Variants in DDAH1 observed in about 807,000 individuals in gnomAD.
DDAH1 encodes dimethylarginine dimethylaminohydrolase 1, also known as N(G),N(G)-dimethylarginine dimethylaminohydrolase 1.
DDAH1 carries 19 observed loss-of-function variants against 28.8 expected under a neutral mutation model. That is an observed-to-expected ratio of 0.66 (90% CI 0.46 to 0.97). The LOEUF (loss-of-function observed/expected upper bound fraction) is 0.97, where lower values mean the gene tolerates loss of function less well. DDAH1 is among the 50% of genes least tolerant of loss of function. The pLI is 0.00. For missense variants in DDAH1, 326 were observed against 375.9 expected (o/e 0.87, Z 1.10); for synonymous variants, 153 against 154.4 (o/e 0.99, Z 0.07).
chr1:85,545,166 A>G (rs893614704), intron 1 of DDAH1, among the ~76,000 whole-genome samples: 3 of 152,092 alleles, frequency 2.0e-5, no homozygotes, highest in Non-Finnish European at 4.4e-5. Flanking sequence ...CCAGGACGTG[A>G]CTCCCAACAG....
chr1:85,513,722 C>G (rs11802934), intron 1 of DDAH1, among the ~76,000 whole-genome samples: 2,652 of 152,284 alleles, frequency 0.017, 33 homozygotes, highest in South Asian at 0.044. Flanking sequence ...CAAAAGAAGA[C>G]ATTTATGCAG....
upstream of DDAH1, among the ~76,000 whole-genome samples, chr1:85,466,842 T>TTTTTTTTTTTTTTTTTTTTC (rs1655402896): frequency 7.7e-6 from 1 of 129,484 alleles, no homozygotes; most frequent in Non-Finnish European, 1.7e-5. Context: ...CTTTTTTTTT[T>TTTTTTTTTTTTTTTTTTTTC]TTTTTTTTTT....
At chr1:85,325,148 T>C (rs1268338072) in intron 4 of DDAH1, among the ~76,000 whole-genome samples, 1 of 152,254 alleles carries the variant, frequency 6.6e-6, no homozygotes, top group Non-Finnish European at 1.5e-5. Context: ...TAAAACCGTC[T>C]ATTATTTTTC....
intron 1 of DDAH1, among the ~76,000 whole-genome samples, chr1:85,520,553 TTAA>T (rs1311200073): frequency 3.3e-5 from 5 of 152,200 alleles, no homozygotes; most frequent in Non-Finnish European, 5.9e-5. Context: ...ATATGCAAAG[TTAA>T]TACAGTTCAG....
intron 1 of DDAH1, among the ~76,000 whole-genome samples, chr1:85,419,133 T>G (rs1033169063): frequency 1.3e-5 from 2 of 152,096 alleles, no homozygotes; most frequent in African/African-American, 4.8e-5. Flanking sequence ...AAAAAGCCAT[T>G]AAAATTGTAA....
At chr1:85,478,044 C>G (rs923914032) in intron 2 of DDAH1, among the ~76,000 whole-genome samples, 2 of 151,746 alleles carry the variant, frequency 1.3e-5, no homozygotes, top group Admixed American at 6.6e-5. Context: ...ATTAGAAAAG[C>G]CTTTAAAGAA....
chr1:85,323,800 G>A (rs747503716), intron 5 of DDAH1, among the ~76,000 whole-genome samples: 17 of 151,776 alleles, frequency 1.1e-4, no homozygotes, highest in Non-Finnish European at 2.4e-4. Flanking sequence ...AGGAGACCCC[G>A]TCTCTACAAA....
At chr1:85,405,496 T>C (rs1199920310) in intron 1 of DDAH1, among the ~76,000 whole-genome samples, 1 of 152,208 alleles carries the variant, frequency 6.6e-6, no homozygotes. Context: ...CACACCTTAT[T>C]TTTTCTGTAA....
chr1:85,451,781 T>C (rs1470116509), intron 1 of DDAH1, among the ~76,000 whole-genome samples: 1 of 152,036 alleles, frequency 6.6e-6, no homozygotes, highest in East Asian at 1.9e-4. Flanking sequence ...AGGTGGGCAG[T>C]TCAGTGAGGA....
At chr1:85,524,113 C>T (rs1480633864) in intron 1 of DDAH1, among the ~76,000 whole-genome samples, 1 of 151,864 alleles carries the variant, frequency 6.6e-6, no homozygotes, top group Non-Finnish European at 1.5e-5. Flanking sequence ...GAAAAAAAAA[C>T]GATGCATCAG....
At chr1:85,446,508 G>C (rs1426038931) in intron 1 of DDAH1, among the ~76,000 whole-genome samples, 1 of 152,056 alleles carries the variant, frequency 6.6e-6, no homozygotes, top group African/African-American at 2.4e-5. Context: ...TCTACTGGTG[G>C]GCTTTCAGGA....
chr1:85,572,342 G>A (rs1659484285), intron 1 of DDAH1, among the ~76,000 whole-genome samples: 1 of 152,022 alleles, frequency 6.6e-6, no homozygotes. Context: ...AGTTGTTAAG[G>A]GGAAGTCAAG....
chr1:85,377,153 C>T (rs115219946), intron 1 of DDAH1, among the ~76,000 whole-genome samples: 1,979 of 152,184 alleles, frequency 0.013, 44 homozygotes, highest in African/African-American at 0.045. Context: ...GTTGGCATGA[C>T]TCTCCCCTGC....
Position 85,321,406 on chromosome 1 carries a change from G to T in DDAH1, c.*46C>A. The T allele has an allele frequency of 8.1e-7, 1 of 1,234,628 alleles. No individual in the cohort carries two copies. Among genetic ancestry groups the T allele is most frequent in the Non-Finnish European group, 1.2e-6 (1 of 834,588 alleles). The allele number at this position is 1,234,628 out of a possible 1,614,324, so 76.5% of individuals were successfully genotyped here. A position where few individuals can be genotyped will look rare whatever the true frequency, so the allele number is the denominator to read the frequency against. On this transcript the variant is annotated 3_prime_UTR_variant, in exon 6 of 6. Coordinates refer to ENST00000284031, the MANE Select transcript of DDAH1 (RefSeq NM_012137.4). The stretch of plus-strand genomic sequence containing the variant: ...AACAGGAGTGGGCACAGAGTCATCG[G>T]CCTTGCCTGTGCGGTCTTGCCGGCT...
At chr1:85,385,668 A>G (rs1354160064) in intron 1 of DDAH1, among the ~76,000 whole-genome samples, 2 of 152,196 alleles carry the variant, frequency 1.3e-5, no homozygotes, top group Admixed American at 6.5e-5. Context: ...CATTTTGAAT[A>G]TAGGATCTAC....
chr1:85,505,114 T>A (rs1463500026), intron 1 of DDAH1, among the ~76,000 whole-genome samples: 2 of 151,476 alleles, frequency 1.3e-5, no homozygotes, highest in African/African-American at 4.9e-5. Flanking sequence ...GCCTCCCGAG[T>A]AGCTGAGATT....
At chr1:85,476,087 C>T (rs962169564) in intron 2 of DDAH1, among the ~76,000 whole-genome samples, 6 of 152,174 alleles carry the variant, frequency 3.9e-5, no homozygotes, top group Non-Finnish European at 5.9e-5. Context: ...GTCTCAAACT[C>T]GTGAACTCAA....
intron 1 of DDAH1, among the ~76,000 whole-genome samples, chr1:85,456,675 A>G (rs891928032): frequency 6.6e-6 from 1 of 152,238 alleles, no homozygotes; most frequent in Non-Finnish European, 1.5e-5. Flanking sequence ...AATTTATGAT[A>G]TTGCCAACTT....
intron 5 of DDAH1, among the ~76,000 whole-genome samples, chr1:85,323,967 T>C (rs1235591946): frequency 1.2e-5 from 1 of 80,700 alleles, no homozygotes; most frequent in Non-Finnish European, 2.3e-5. Flanking sequence ...AGATCCTGTC[T>C]CAAAAAAAAA....
Sources: allele counts gnomAD v4.1 joint callset (sites outside exome capture counted in the v4.1 genomes callset), GRCh38; gene constraint gnomAD v4.1.1; transcripts MANE v1.5; gene names NCBI Gene and HGNC (gene_info 2026-07-23, HGNC 2026-07-21).